Variants in ATRNL1 observed in about 807,000 individuals in gnomAD.
ATRNL1 encodes the protein attractin like 1, also known as attractin-like protein 1.
Under a neutral mutation model 182.7 loss-of-function variants are expected in ATRNL1, and 95 were observed. The ratio of observed to expected loss-of-function variants is 0.52; its 90% CI spans 0.44 to 0.62. The LOEUF is 0.62. ATRNL1 is among the 20% of genes least tolerant of loss of function. The probability of loss-of-function intolerance (pLI) is 0.00; values close to 1 mark genes in which losing one functional copy is unlikely to be tolerated. For synonymous variants in ATRNL1, 576 were observed against 568.3 expected, an observed-to-expected ratio of 1.01 and a Z score of -0.19; for missense variants, 1,471 against 1,679.5, an observed-to-expected ratio of 0.88 and a Z score of 2.17.
At chr10:115,171,681 A>G (rs1554885679) in intron 8 of ATRNL1, among the ~76,000 whole-genome samples, 1 of 151,966 alleles carries the variant, frequency 6.6e-6, no homozygotes, top group African/African-American at 2.4e-5. Context: ...TTCTATTTCT[A>G]ATCTTACTGC....
intron 19 of ATRNL1, among the ~76,000 whole-genome samples, chr10:115,365,432 T>C (rs1392286728): frequency 6.6e-6 from 1 of 152,068 alleles, no homozygotes; most frequent in Non-Finnish European, 1.5e-5. Flanking sequence ...TTAGTCTTGC[T>C]AGCGGTCTAT....
intron 10 of ATRNL1, among the ~76,000 whole-genome samples, chr10:115,248,711 T>G (rs1850748416): frequency 6.6e-6 from 1 of 152,108 alleles, no homozygotes; most frequent in African/African-American, 2.4e-5. Flanking sequence ...GAGAATGAGT[T>G]AACCTAGAGT....
rs1412555271 is a variant in ATRNL1, at chr10:115,233,891, G to A, written c.1533-7680G>A. On this transcript the variant is annotated intron_variant, in intron 9 of 28. Transcript: ENST00000355044. ...TTTTTTTTAGTTTGCTAGTATTTTT[G>A]TAAGGATTTTTACATTGATGTTAAT... Among the ~76,000 whole-genome samples, 5 of 151,900 alleles carry A rather than the reference G, an allele frequency of 3.3e-5. No individual in the cohort carries two copies. In the East Asian group the frequency reaches 7.7e-4, roughly 23 times the overall value.
chr10:115,400,567 A>T (rs186561644), intron 20 of ATRNL1, among the ~76,000 whole-genome samples: 1 of 152,030 alleles, frequency 6.6e-6, no homozygotes, highest in African/African-American at 2.4e-5. Context: ...CTATGATTGT[A>T]TAGGAGCTTA....
At chr10:115,104,003 T>C (rs1010213905) in intron 1 of ATRNL1, among the ~76,000 whole-genome samples, 20 of 152,348 alleles carry the variant, frequency 1.3e-4, no homozygotes, top group African/African-American at 4.6e-4. Flanking sequence ...GCAGAAAACA[T>C]TGAAGTACAG....
Position 115,369,265 on chromosome 10 carries a change from G to A in ATRNL1, c.3176-25394G>A, listed in dbSNP as rs1395299964. On this transcript the variant is annotated intron_variant, in intron 19 of 28. Coordinates refer to ENST00000355044, the MANE Select transcript of ATRNL1 (RefSeq NM_207303.4). ...GTGATGAGGATAGGGGTTGTGTGAG[G>A]GGGATGGGGTAATTCTTTGAAGGGG... Among the ~76,000 whole-genome samples, 4 of 150,862 alleles carry A rather than the reference G, an allele frequency of 2.7e-5. No homozygotes were observed. The East Asian group carries it at 7.8e-4, about 29-fold the overall frequency.
intron 24 of ATRNL1, among the ~76,000 whole-genome samples, chr10:115,482,559 TTTAA>T (rs1268707177): frequency 1.3e-4 from 19 of 150,608 alleles, no homozygotes; most frequent in African/African-American, 3.6e-4. Flanking sequence ...TATAATAATT[TTTAA>T]TTAATTATGT....
intron 28 of ATRNL1, among the ~76,000 whole-genome samples, chr10:115,899,357 G>A (rs1263808711): frequency 3.9e-5 from 6 of 152,116 alleles, no homozygotes; most frequent in African/African-American, 1.4e-4. Flanking sequence ...TGCCCAGACT[G>A]GAAGGCAATG....
At chr10:115,465,792 A>G (rs576299991) in intron 22 of ATRNL1, among the ~76,000 whole-genome samples, 1 of 151,534 alleles carries the variant, frequency 6.6e-6, no homozygotes, top group African/African-American at 2.4e-5. Flanking sequence ...TACTCTAAAA[A>G]TATGCATGAC....
chr10:115,508,089 G>C (rs1554981740), intron 24 of ATRNL1, among the ~76,000 whole-genome samples: 1 of 151,882 alleles, frequency 6.6e-6, no homozygotes, highest in African/African-American at 2.4e-5. Flanking sequence ...TTGTGTCTCT[G>C]CACCACATTT....
At chr10:115,736,017 A>G (rs782359534) in intron 27 of ATRNL1, among the ~76,000 whole-genome samples, 3 of 152,230 alleles carry the variant, frequency 2.0e-5, no homozygotes, top group Non-Finnish European at 4.4e-5. Context: ...AACAAAGTAT[A>G]CCTTTATTTG....
chr10:115,577,076 G>T (rs1187685798), intron 26 of ATRNL1, among the ~76,000 whole-genome samples: 2 of 150,990 alleles, frequency 1.3e-5, no homozygotes, highest in Non-Finnish European at 3.0e-5. Context: ...CTCTCTTTTC[G>T]GTTCTATTGG....
At chr10:115,867,088 G>A (rs1951456673) in intron 28 of ATRNL1, among the ~76,000 whole-genome samples, 1 of 152,220 alleles carries the variant, frequency 6.6e-6, no homozygotes, top group East Asian at 1.9e-4. Flanking sequence ...GAATGTAACT[G>A]CCTTTCTGAA....
intron 19 of ATRNL1, among the ~76,000 whole-genome samples, chr10:115,357,385 A>G (rs1856549511): frequency 6.6e-6 from 1 of 151,918 alleles, no homozygotes; most frequent in African/African-American, 2.4e-5. Context: ...ACTAAATTCC[A>G]ATTTGGACAC....
chr10:115,744,535 A>G (rs1404822636), intron 27 of ATRNL1, among the ~76,000 whole-genome samples: 2 of 152,130 alleles, frequency 1.3e-5, no homozygotes, highest in Non-Finnish European at 2.9e-5. Flanking sequence ...AACCCAAAGC[A>G]CCATAGGATC....
intron 5 of ATRNL1, among the ~76,000 whole-genome samples, chr10:115,133,604 CTT>C (rs1227448651): frequency 2.6e-5 from 4 of 152,118 alleles, no homozygotes; most frequent in African/African-American, 9.7e-5. Context: ...TAATGGGAGA[CTT>C]TAACACCCCA....
intron 1 of ATRNL1, among the ~76,000 whole-genome samples, chr10:115,094,645 T>A (rs948154020): frequency 6.6e-6 from 1 of 152,176 alleles, no homozygotes; most frequent in Non-Finnish European, 1.5e-5. Context: ...CTACAACAAC[T>A]CTGTGAGTTG....
chr10:115,727,365 G>A lies in ATRNL1; in HGVS notation c.3903+10G>A, dbSNP rs781859954. 6.2e-7 allele frequency: 1 copy of A among 1,603,622 alleles called. No individual in the cohort carries two copies. Among genetic ancestry groups the A allele is most frequent in the South Asian group, 1.1e-5 (1 of 90,772 alleles). Reference sequence around the variant, plus strand: ...GCGAGGGCCATTAGAGGTAGGAACAGCGGTGCTGAAAGAGGACCACTGTGC... The same window carrying A: ...GCGAGGGCCATTAGAGGTAGGAACAACGGTGCTGAAAGAGGACCACTGTGC... On this transcript the variant is annotated intron_variant, in intron 27 of 28. Coordinates refer to ENST00000355044, the MANE Select transcript of ATRNL1 (RefSeq NM_207303.4).
At chr10:115,136,224 A>C (rs568504363) in intron 5 of ATRNL1, among the ~76,000 whole-genome samples, 1 of 152,192 alleles carries the variant, frequency 6.6e-6, no homozygotes. Flanking sequence ...CATATTAAAT[A>C]TATGACTAAA....
Sources: allele counts gnomAD v4.1 joint callset (sites outside exome capture counted in the v4.1 genomes callset), GRCh38; gene constraint gnomAD v4.1.1; transcripts MANE v1.5; gene names NCBI Gene and HGNC (gene_info 2026-07-23, HGNC 2026-07-21).